The following PHACTR2 variants were observed in gnomAD, a reference collection of about 807,000 sequenced individuals.
The protein encoded by PHACTR2 is chromosome 6 open reading frame 56.
A neutral mutation model predicts 76.0 loss-of-function variants in PHACTR2; 30 were observed. That is an observed-to-expected ratio of 0.39 (90% CI 0.30 to 0.54). The LOEUF is 0.54. Among genes scored for constraint, PHACTR2 ranks in the 20% least tolerant of loss-of-function variants. The pLI is 0.61. For synonymous variants in PHACTR2, 292 were observed against 292.5 expected (o/e 1.00, Z 0.02); for missense variants, 696 against 781.1 (o/e 0.89, Z 1.30).
rs1211046467 is a variant in PHACTR2 at position 143,700,528 on chromosome 6, T to G, written c.47-11488T>G. 6.6e-6 allele frequency among the ~76,000 whole-genome samples: 1 copy of G among 152,178 alleles called. No homozygotes were observed. The highest frequency in any genetic ancestry group is 1.9e-4 in the East Asian group (1 of 5,202). On this transcript the variant is annotated intron_variant, in intron 1 of 12. Transcript: ENST00000440869. This position sits in a 1 kb window ranked among gnomAD's most constrained non-coding sequence, Gnocchi z 4.1. ...TGAGATCTCACCACTGCACTCCATC[T>G]GGGTGACAGAACGAGACTCCATTGA... is the stretch of plus-strand genomic sequence containing the variant.
upstream of PHACTR2, among the ~76,000 whole-genome samples, chr6:143,603,581 T>C (rs1775837213): frequency 1.3e-5 from 2 of 152,182 alleles, no homozygotes; most frequent in African/African-American, 2.4e-5. Flanking sequence ...TCAAATAGCA[T>C]TGGCCTAAAA....
chr6:143,696,305 A>T lies in PHACTR2; in HGVS notation c.47-15711A>T, dbSNP rs1028540714. On this transcript the variant is annotated intron_variant, in intron 1 of 12. Coordinates refer to ENST00000440869, the MANE Select transcript of PHACTR2 (RefSeq NM_001100164.2). The surrounding 1 kb of genome is among the most constrained non-coding windows in gnomAD (Gnocchi z 4.1). Reference sequence around the variant, plus strand: ...AGGTAACTGTTTTGGGTGGGTATACAGGAGTTTATTTATTTCAGGGGGCAT... The same window carrying T: ...AGGTAACTGTTTTGGGTGGGTATACTGGAGTTTATTTATTTCAGGGGGCAT... 6.6e-6 allele frequency among the ~76,000 whole-genome samples: 1 copy of T among 152,192 alleles called. No homozygotes were observed. Among genetic ancestry groups the T allele is most frequent in the Non-Finnish European group, 1.5e-5 (1 of 68,026 alleles).
chr6:143,690,549 G>A (rs545277028), intron 1 of PHACTR2, among the ~76,000 whole-genome samples: 3 of 152,300 alleles, frequency 2.0e-5, no homozygotes, highest in Admixed American at 1.3e-4. Context: ...CGAGAGCTTG[G>A]CTGGGACATA....
rs181147567 is a variant in PHACTR2, at chr6:143,764,074, G to A, written c.695-1187G>A. On this transcript the variant is annotated intron_variant, in intron 5 of 12. Coordinates refer to ENST00000440869, the MANE Select transcript of PHACTR2 (RefSeq NM_001100164.2). This position sits in a 1 kb window ranked among gnomAD's most constrained non-coding sequence, Gnocchi z 4.7. Reference sequence around the variant, plus strand: ...TTTGTTTTGAAACTGTTTTGATTGAGGGTGCCCTATCCGGAAGTAGGCAAA... The same window carrying A: ...TTTGTTTTGAAACTGTTTTGATTGAAGGTGCCCTATCCGGAAGTAGGCAAA... Among the ~76,000 whole-genome samples the A allele has an allele frequency of 2.4e-4, 37 of 152,304 alleles. No homozygotes were observed. The highest frequency in any genetic ancestry group is 2.0e-3 in the Admixed American group (31 of 15,306).
intron 1 of PHACTR2, among the ~76,000 whole-genome samples, chr6:143,538,111 C>G (rs1781135677): frequency 1.3e-5 from 2 of 151,956 alleles, no homozygotes; most frequent in African/African-American, 2.4e-5. Flanking sequence ...CACACACACA[C>G]ACAAACACAC....
chr6:143,617,761 A>T lies in PHACTR2; in HGVS notation c.13+9439A>T, dbSNP rs112826160. Among the ~76,000 whole-genome samples, 3,380 of 152,346 alleles carry T rather than the reference A, an allele frequency of 0.022. 130 individuals carry two copies. Among genetic ancestry groups the T allele is most frequent in the African/African-American group, 0.074 (3,086 of 41,568 alleles). ...GGAAATGGCTGAAAGAAAAGAGCAG[A>T]GGTGAAATACTGCTTCCAGGCAATG... On this transcript the variant is annotated intron_variant, in intron 1 of 11. Coordinates refer to the PHACTR2 transcript ENST00000305766. The surrounding 1 kb of genome is among the most constrained non-coding windows in gnomAD (Gnocchi z 4.8).
At position 143,571,585 on chromosome 6, in the gene PHACTR2, A is replaced by ATTT. The variant is rs1562239714; in HGVS notation, c.217+34378_217+34379insTTT. Among the ~76,000 whole-genome samples the ATTT allele has an allele frequency of 9.9e-5, 15 of 150,758 alleles. No homozygotes were observed. The highest frequency in any genetic ancestry group is 3.9e-4 in the East Asian group (2 of 5,120). On this transcript the variant is annotated intron_variant, in intron 1 of 11. Transcript: ENST00000367584. This position sits in a 1 kb window ranked among gnomAD's most constrained non-coding sequence, Gnocchi z 4.6. ...TGCCACACCTGGTTAATTTTTTTTA[A>ATTT]AATTTTTTTATAGAGATGAGGTCTT... is the stretch of plus-strand genomic sequence containing the variant.
intron 2 of PHACTR2, among the ~76,000 whole-genome samples, chr6:143,736,730 T>C (rs1298320022): frequency 6.6e-6 from 1 of 151,512 alleles, no homozygotes; most frequent in East Asian, 1.9e-4. Context: ...CCCGCCACCA[T>C]GCCCGGCTAA....
At chr6:143,572,369 C>T (rs1426538482) in intron 1 of PHACTR2, among the ~76,000 whole-genome samples, 1 of 152,154 alleles carries the variant, frequency 6.6e-6, no homozygotes, top group Non-Finnish European at 1.5e-5. Context: ...TGAAGTGAAC[C>T]TGAAAGTTTC....
In PHACTR2 at chr6:143,753,889, A is replaced by C; in HGVS notation, c.431A>C (p.Glu144Ala). Residue 144 changes from glutamate to alanine, a missense_variant, in exon 4 of 13, where the codon GAG (glutamate) becomes GCG (alanine). By Grantham distance (107) the Glu-to-Ala change is moderately radical (BLOSUM62 -1). Coordinates refer to ENST00000440869, the MANE Select transcript of PHACTR2 (RefSeq NM_001100164.2). This position sits in a 1 kb window ranked among gnomAD's most constrained non-coding sequence, Gnocchi z 4.6. ...GSVSEKTPPL[E>A]EQAEDKKENT... ...GTATCTGAAAAAACACCACCTCTGG[A>C]GGAACAGGCAGAAGATAAGAAAGGT... is the stretch of plus-strand genomic sequence containing the variant. 1.2e-6 allele frequency: 2 copies of C among 1,604,434 alleles called. No individual in the cohort carries two copies. The highest frequency in any genetic ancestry group is 1.7e-6 in the Non-Finnish European group (2 of 1,177,420).
intron 2 of PHACTR2, among the ~76,000 whole-genome samples, chr6:143,735,596 C>A (rs1050465621): frequency 6.6e-6 from 1 of 152,034 alleles, no homozygotes; most frequent in Admixed American, 6.6e-5. Flanking sequence ...CCCATCCCCC[C>A]ACCCCACCAC....
chr6:143,679,734 T>C lies in PHACTR2; in HGVS notation c.46+1525T>C, dbSNP rs1395567621. Among the ~76,000 whole-genome samples, 8 of 151,772 alleles carry C rather than the reference T, an allele frequency of 5.3e-5. No individual in the cohort carries two copies. The highest frequency in any genetic ancestry group is 1.9e-4 in the African/African-American group (8 of 41,306). ...AATGATGTCTAAGAAGCAAATAAAA[T>C]CCTAAAGTGAGACTCCCTACGTCTT... On this transcript the variant is annotated intron_variant, in intron 1 of 12. Coordinates refer to ENST00000440869, the MANE Select transcript of PHACTR2 (RefSeq NM_001100164.2). The surrounding 1 kb of genome is among the most constrained non-coding windows in gnomAD (Gnocchi z 4.6).
chr6:143,717,705 C>T (rs952536286), intron 2 of PHACTR2, among the ~76,000 whole-genome samples: 7 of 151,834 alleles, frequency 4.6e-5, no homozygotes, highest in Non-Finnish European at 7.4e-5. Context: ...CCCAAATAGC[C>T]GAGACTACAG....
intron 1 of PHACTR2, among the ~76,000 whole-genome samples, chr6:143,551,786 T>C (rs1775098902): frequency 6.6e-6 from 1 of 152,158 alleles, no homozygotes; most frequent in African/African-American, 2.4e-5. Flanking sequence ...GTTGATATTA[T>C]AATACCCATT....
intron 1 of PHACTR2, among the ~76,000 whole-genome samples, chr6:143,594,723 G>A (rs537145303): frequency 1.3e-5 from 2 of 152,362 alleles, no homozygotes; most frequent in Admixed American, 1.3e-4. Context: ...CCTATACCTA[G>A]CCAGCCGCAC....
chr6:143,745,018 C>G (rs780692085), intron 2 of PHACTR2, among the ~76,000 whole-genome samples: 8 of 152,186 alleles, frequency 5.3e-5, no homozygotes, highest in Non-Finnish European at 1.0e-4. Flanking sequence ...ATTTACTCAA[C>G]TGGCGATAAT....
chr6:143,724,288 C>T (rs139177127), intron 2 of PHACTR2, among the ~76,000 whole-genome samples: 2,019 of 152,184 alleles, frequency 0.013, 33 homozygotes, highest in East Asian at 0.099. Context: ...CCCGCCACCA[C>T]GCCTGGCTAA....
In PHACTR2 at chr6:143,680,462, TA is replaced by T. The variant is rs1473087669; in HGVS notation, c.46+2254del. On this transcript the variant is annotated intron_variant, in intron 1 of 12. Coordinates refer to ENST00000440869, the MANE Select transcript of PHACTR2 (RefSeq NM_001100164.2). This position sits in a 1 kb window ranked among gnomAD's most constrained non-coding sequence, Gnocchi z 4.5. Reference sequence around the variant, plus strand: ...AGCACAGAGTTTAATTATTCATACTTATCGCTCAATTTGGCCTTTTGTAAAA... The same window carrying T: ...AGCACAGAGTTTAATTATTCATACTTTCGCTCAATTTGGCCTTTTGTAAAA... Among the ~76,000 whole-genome samples the T allele has an allele frequency of 6.6e-6, 1 of 152,176 alleles. No individual in the cohort carries two copies. The highest frequency in any genetic ancestry group is 1.5e-5 in the Non-Finnish European group (1 of 68,010).
Position 143,662,622 on chromosome 6 carries a change from A to G in PHACTR2, c.14-49394A>G, listed in dbSNP as rs1236961692. Among the ~76,000 whole-genome samples the G allele has an allele frequency of 6.6e-6, 1 of 152,116 alleles. No individual in the cohort carries two copies. ...TATTTTTCCCTGAATGCAAAACAGTAATATTTAAATTCACCTTCCTACTAG... is the reference window on the plus strand; with the variant it reads ...TATTTTTCCCTGAATGCAAAACAGTGATATTTAAATTCACCTTCCTACTAG... On this transcript the variant is annotated intron_variant, in intron 1 of 11. Transcript: ENST00000305766. The surrounding 1 kb of genome is among the most constrained non-coding windows in gnomAD (Gnocchi z 4.7).
Sources: allele counts gnomAD v4.1 joint callset (sites outside exome capture counted in the v4.1 genomes callset), GRCh38; gene constraint gnomAD v4.1.1; non-coding constraint Gnocchi (gnomAD v3.1); transcripts MANE v1.5; gene names NCBI Gene and HGNC (gene_info 2026-07-23, HGNC 2026-07-21).